The following MDGA2 variants were observed in gnomAD, a reference collection of about 807,000 sequenced individuals.
MDGA2 encodes the protein MAM domain containing glycosylphosphatidylinositol anchor 2, also known as MAM domain-containing glycosylphosphatidylinositol anchor protein 2.
Under a neutral mutation model 117.8 loss-of-function variants are expected in MDGA2, and 40 were observed. The ratio of observed to expected loss-of-function variants is 0.34; its 90% CI spans 0.26 to 0.44. The LOEUF (loss-of-function observed/expected upper bound fraction) is 0.44. Ranked by LOEUF, MDGA2 falls within the 20% of genes least tolerant of loss-of-function variation. The pLI is 1.00. For missense variants in MDGA2, 1,123 were observed against 1,250.6 expected, an observed-to-expected ratio of 0.90 and a Z score of 1.54; for synonymous variants, 452 against 439.0, an observed-to-expected ratio of 1.03 and a Z score of -0.37.
At chr14:47,349,299 G>T (rs1436209762) in intron 1 of MDGA2, among the ~76,000 whole-genome samples, 1 of 152,110 alleles carries the variant, frequency 6.6e-6, no homozygotes, top group East Asian at 1.9e-4. Flanking sequence ...GTTTAACCTG[G>T]GCTGAGTCAT....
chr14:47,587,546 A>G (rs1896348730), intron 1 of MDGA2, among the ~76,000 whole-genome samples: 1 of 151,784 alleles, frequency 6.6e-6, no homozygotes, highest in African/African-American at 2.4e-5. Flanking sequence ...GAGTAAACAA[A>G]TTATTTTATG....
intron 1 of MDGA2, among the ~76,000 whole-genome samples, chr14:47,610,633 G>A (rs1049366821): frequency 6.6e-6 from 1 of 152,010 alleles, no homozygotes; most frequent in Non-Finnish European, 1.5e-5. Context: ...CCAAGGAGGT[G>A]TAAGACCTCC....
At chr14:47,164,276 T>G (rs1389588608) in intron 3 of MDGA2, among the ~76,000 whole-genome samples, 5 of 152,198 alleles carry the variant, frequency 3.3e-5, no homozygotes, top group Non-Finnish European at 7.3e-5. Flanking sequence ...TTAGGCACAT[T>G]CCACAGCTTT....
intron 1 of MDGA2, among the ~76,000 whole-genome samples, chr14:47,333,227 C>T (rs950786260): frequency 6.6e-6 from 1 of 151,906 alleles, no homozygotes; most frequent in Non-Finnish European, 1.5e-5. Flanking sequence ...TACTGTTTTT[C>T]ATAGAGGCTG....
intron 13 of MDGA2, 24 bp from the exon 14 acceptor site, chr14:46,873,615 T>A: frequency 1.3e-6 from 2 of 1,591,260 alleles, no homozygotes; most frequent in Non-Finnish European, 1.7e-6. Flanking sequence ...AAATAAAGTG[T>A]TTAAACACAT....
At chr14:47,493,474 C>T (rs1894215437) in intron 1 of MDGA2, among the ~76,000 whole-genome samples, 1 of 151,712 alleles carries the variant, frequency 6.6e-6, no homozygotes, top group African/African-American at 2.4e-5. Context: ...ACCACTACTG[C>T]CTGGGCTGAG....
At chr14:47,086,188 G>A (rs1890894002) in intron 6 of MDGA2, among the ~76,000 whole-genome samples, 1 of 148,204 alleles carries the variant, frequency 6.7e-6, no homozygotes, top group Non-Finnish European at 1.5e-5. Flanking sequence ...AGATGGATTT[G>A]AATTACTGGG....
intron 8 of MDGA2, among the ~76,000 whole-genome samples, chr14:47,017,765 A>C (rs1350811919): frequency 1.3e-5 from 2 of 152,106 alleles, no homozygotes; most frequent in African/African-American, 4.8e-5. Flanking sequence ...CAGAGATCCC[A>C]TATAAATCTA....
intron 1 of MDGA2, among the ~76,000 whole-genome samples, chr14:47,399,928 G>A (rs1228115714): frequency 6.6e-6 from 1 of 152,074 alleles, no homozygotes; most frequent in Non-Finnish European, 1.5e-5. Context: ...GTGTGGCACT[G>A]AGAATATATA....
chr14:46,975,420 C>G (rs889165129), intron 8 of MDGA2, among the ~76,000 whole-genome samples: 1 of 152,006 alleles, frequency 6.6e-6, no homozygotes, highest in Non-Finnish European at 1.5e-5. Context: ...ATTCACAACA[C>G]CTAAAAGATG....
At chr14:46,974,247 A>G (rs929481127) in intron 8 of MDGA2, among the ~76,000 whole-genome samples, 1 of 152,160 alleles carries the variant, frequency 6.6e-6, no homozygotes, top group African/African-American at 2.4e-5. Context: ...ATGAAAATAC[A>G]TCACATATTC....
At chr14:47,125,105 T>C (rs932014775) in intron 5 of MDGA2, among the ~76,000 whole-genome samples, 8 of 152,274 alleles carry the variant, frequency 5.3e-5, no homozygotes, top group African/African-American at 1.9e-4. Flanking sequence ...ATCTAGATGC[T>C]ATGAAGATCA....
At chr14:47,051,498 A>C (rs1889456296) in intron 7 of MDGA2, among the ~76,000 whole-genome samples, 1 of 151,916 alleles carries the variant, frequency 6.6e-6, no homozygotes, top group Non-Finnish European at 1.5e-5. Flanking sequence ...TGTTGAATGA[A>C]AAATAATCAA....
intron 1 of MDGA2, among the ~76,000 whole-genome samples, chr14:47,630,069 G>A (rs895446959): frequency 4.0e-5 from 6 of 151,006 alleles, no homozygotes; most frequent in Non-Finnish European, 8.8e-5. Context: ...ATATAAGGCA[G>A]TACTTCTGAT....
At chr14:47,385,464 C>T (rs536989816) in intron 1 of MDGA2, among the ~76,000 whole-genome samples, 2 of 152,050 alleles carry the variant, frequency 1.3e-5, no homozygotes, top group Admixed American at 6.6e-5. Flanking sequence ...AATTGAAACA[C>T]AATCATAAAT....
At chr14:47,057,869 G>T (rs1397939743) in intron 7 of MDGA2, among the ~76,000 whole-genome samples, 2 of 151,886 alleles carry the variant, frequency 1.3e-5, no homozygotes, top group Non-Finnish European at 2.9e-5. Flanking sequence ...ATCCTCCTGA[G>T]TCAGCCTCCC....
chr14:47,614,139 T>G (rs1047332574), intron 1 of MDGA2, among the ~76,000 whole-genome samples: 3 of 142,524 alleles, frequency 2.1e-5, no homozygotes, highest in Non-Finnish European at 4.5e-5. Context: ...AAAAAAAAAG[T>G]GGTGCAATGG....
chr14:47,459,875 C>T (rs1893446650), intron 1 of MDGA2, among the ~76,000 whole-genome samples: 1 of 151,780 alleles, frequency 6.6e-6, no homozygotes, highest in African/African-American at 2.4e-5. Context: ...AGAGTAGTGA[C>T]CAGAAATAGG....
intron 1 of MDGA2, among the ~76,000 whole-genome samples, chr14:47,522,294 T>C (rs1894883826): frequency 6.6e-6 from 1 of 151,880 alleles, no homozygotes; most frequent in African/African-American, 2.4e-5. Flanking sequence ...CTAGAATATA[T>C]TTATATGTGT....
Sources: allele counts gnomAD v4.1 joint callset (sites outside exome capture counted in the v4.1 genomes callset), GRCh38; gene constraint gnomAD v4.1.1; transcripts MANE v1.5; gene names NCBI Gene and HGNC (gene_info 2026-07-23, HGNC 2026-07-21).